LRRC28: variants seen among roughly 807,000 people sequenced by gnomAD.
LRRC28 encodes the protein leucine rich repeat containing 28, also known as leucine-rich repeat-containing protein 28.
Under a neutral mutation model 45.7 loss-of-function variants are expected in LRRC28, and 39 were observed. The ratio of observed to expected loss-of-function variants is 0.85; its 90% CI spans 0.66 to 1.12. The LOEUF is 1.12. Ranked by LOEUF, LRRC28 falls within the 50% of genes most tolerant of loss-of-function variation. LRRC28 has a pLI of 0.00. For synonymous variants in LRRC28, 206 were observed against 178.8 expected, an observed-to-expected ratio of 1.15 and a Z score of -1.22; for missense variants, 435 against 438.5, an observed-to-expected ratio of 0.99 and a Z score of 0.07.
At chr15:99,292,799 G>T (rs1429281487) in intron 5 of LRRC28, among the ~76,000 whole-genome samples, 1 of 152,178 alleles carries the variant, frequency 6.6e-6, no homozygotes, top group Non-Finnish European at 1.5e-5. Flanking sequence ...TTTCAGTCAG[G>T]GATGATAGCA....
chr15:99,341,165 A>G lies in LRRC28; in HGVS notation c.592+7036A>G, dbSNP rs185273482. Reference sequence around the variant, plus strand: ...GAGTGCAGTGGCGTGATCTGGGCTCACTACAACCTCCACCTCCCGGGTTCA... The same window carrying G: ...GAGTGCAGTGGCGTGATCTGGGCTCGCTACAACCTCCACCTCCCGGGTTCA... On this transcript the variant is annotated intron_variant, in intron 6 of 9. Coordinates refer to ENST00000301981, the MANE Select transcript of LRRC28 (RefSeq NM_144598.5). Among the ~76,000 whole-genome samples, 10 of 137,738 alleles carry G rather than the reference A, an allele frequency of 7.3e-5. No homozygotes were observed. The Admixed American group carries it at 7.8e-4, about 11-fold the overall frequency. 90.4% of individuals were successfully genotyped at this position (137,738 alleles called of 152,430 possible).
At chr15:99,336,906 C>T (rs1020469665) in intron 6 of LRRC28, among the ~76,000 whole-genome samples, 4 of 152,156 alleles carry the variant, frequency 2.6e-5, no homozygotes, top group African/African-American at 9.7e-5. Flanking sequence ...CAGCTGTGAA[C>T]CATTCATACA....
At chr15:99,306,732 G>C (rs1286397599) in intron 5 of LRRC28, among the ~76,000 whole-genome samples, 1 of 152,198 alleles carries the variant, frequency 6.6e-6, no homozygotes, top group Non-Finnish European at 1.5e-5. Flanking sequence ...TCTGGCACCA[G>C]CTTGGCTGAG....
chr15:99,350,142 CAAAAA>C (rs71149462), intron 6 of LRRC28, among the ~76,000 whole-genome samples: 1 of 97,892 alleles, frequency 1.0e-5, no homozygotes. Context: ...GACTCCGTCT[CAAAAA>C]AAAAAAAAAA....
chr15:99,374,082 G>A (rs1013754136), intron 9 of LRRC28, among the ~76,000 whole-genome samples: 25 of 152,000 alleles, frequency 1.6e-4, no homozygotes, highest in Non-Finnish European at 2.9e-4. Context: ...GCTATTCTAG[G>A]CCCTACACTT....
At chr15:99,341,083 CTTTTT>C (rs528372394) in intron 6 of LRRC28, among the ~76,000 whole-genome samples, 8 of 100,502 alleles carry the variant, frequency 8.0e-5, no homozygotes, top group South Asian at 3.6e-4. Flanking sequence ...ATTCTACTGT[CTTTTT>C]TTTTTTTTTT....
At chr15:99,359,304 AT>A (rs1957134056) in intron 7 of LRRC28, among the ~76,000 whole-genome samples, 1 of 152,242 alleles carries the variant, frequency 6.6e-6, no homozygotes, top group Non-Finnish European at 1.5e-5. Context: ...ATTTCAGTGC[AT>A]ATGACAAAGG....
chr15:99,327,301 C>G (rs888172156), intron 5 of LRRC28, among the ~76,000 whole-genome samples: 1 of 152,114 alleles, frequency 6.6e-6, no homozygotes, highest in African/African-American at 2.4e-5. Flanking sequence ...TCTCAATCAC[C>G]TGACCTCAAG....
chr15:99,333,919 G>A lies in LRRC28; in HGVS notation c.386-4G>A, dbSNP rs780502964. On this transcript the variant is annotated splice_polypyrimidine_tract_variant and splice_region_variant and intron_variant, in intron 5 of 9. Transcript: ENST00000301981. The stretch of plus-strand genomic sequence containing the variant: ...ATTTATCCTAATTTTGATTTTGGTT[G>A]TAGAGGTTGGCGATTTGAAGGAGCT... 3 of 1,613,734 alleles carry A rather than the reference G, an allele frequency of 1.9e-6. No individual in the cohort carries two copies. The highest frequency in any genetic ancestry group is 2.5e-6 in the Non-Finnish European group (3 of 1,179,840).
At chr15:99,267,264 C>T (rs150007573) in intron 2 of LRRC28, among the ~76,000 whole-genome samples, 228 of 152,164 alleles carry the variant, frequency 1.5e-3, no homozygotes, top group African/African-American at 5.3e-3. Context: ...CAACTATATC[C>T]GCCACCCCCT....
rs3217510 is a variant in LRRC28 at position 99,386,477 on chromosome 15, TCTCCC to T, written c.*381_*385del. The T allele has an allele frequency of 0.45, 74,665 of 166,604 alleles. 17,213 individuals carry two copies. The highest frequency in any genetic ancestry group is 0.54 in the African/African-American group (22,772 of 41,812). 10.3% of individuals were successfully genotyped at this position (166,604 alleles called of 1,614,324 possible). A position where few individuals can be genotyped will look rare whatever the true frequency, so the allele number is the denominator to read the frequency against. On this transcript the variant is annotated 3_prime_UTR_variant, in exon 10 of 10. Coordinates refer to ENST00000301981, the MANE Select transcript of LRRC28 (RefSeq NM_144598.5). Reference sequence around the variant, plus strand: ...ATACCTTCAGTGATGCTTCCTCTCCTCTCCCCTCCCTTGCTTTCCCCAGAGAGTTA... The same window carrying T: ...ATACCTTCAGTGATGCTTCCTCTCCTCTCCCTTGCTTTCCCCAGAGAGTTA...
chr15:99,305,256 G>A (rs143739875), intron 5 of LRRC28, among the ~76,000 whole-genome samples: 1 of 152,180 alleles, frequency 6.6e-6, no homozygotes, highest in Admixed American at 6.5e-5. Flanking sequence ...TTTCTGTCTT[G>A]CTAAATGGTA....
At chr15:99,316,760 A>G (rs1955610006) in intron 5 of LRRC28, among the ~76,000 whole-genome samples, 1 of 152,076 alleles carries the variant, frequency 6.6e-6, no homozygotes, top group Admixed American at 6.6e-5. Context: ...CAGGAGAACT[A>G]CAAGAATAAA....
At chr15:99,326,055 T>A (rs1955964782) in intron 5 of LRRC28, among the ~76,000 whole-genome samples, 1 of 152,104 alleles carries the variant, frequency 6.6e-6, no homozygotes, top group South Asian at 2.1e-4. Flanking sequence ...GCTAACAGAT[T>A]CAGTATGGAT....
At chr15:99,308,600 AT>A (rs1473386683) in intron 5 of LRRC28, among the ~76,000 whole-genome samples, 1 of 152,158 alleles carries the variant, frequency 6.6e-6, no homozygotes, top group Admixed American at 6.5e-5. Context: ...TGACTCTAGA[AT>A]ATTTGAGGTT....
At chr15:99,295,666 A>G (rs35703983) in intron 5 of LRRC28, among the ~76,000 whole-genome samples, 14,738 of 152,278 alleles carry the variant, frequency 0.097, 1,018 homozygotes, top group East Asian at 0.33. Context: ...CATCTGGCAT[A>G]TAAATCAGCC....
intron 6 of LRRC28, chr15:99,337,995 G>A (rs1295306510): frequency 1.3e-5 from 2 of 152,276 alleles, no homozygotes; most frequent in Non-Finnish European, 2.9e-5. Context: ...GGATCAGGGA[G>A]CAAATGCAAG....
chr15:99,346,583 ATTTTT>A (rs1297385395), intron 6 of LRRC28, among the ~76,000 whole-genome samples: 2 of 152,302 alleles, frequency 1.3e-5, no homozygotes, highest in East Asian at 3.9e-4. Context: ...CACTCCTGTG[ATTTTT>A]TTCTAGAACA....
At chr15:99,309,137 A>G (rs1308574265) in intron 5 of LRRC28, among the ~76,000 whole-genome samples, 1 of 152,156 alleles carries the variant, frequency 6.6e-6, no homozygotes, top group African/African-American at 2.4e-5. Flanking sequence ...GCCATGAGTA[A>G]ATATACTAAT....
Sources: allele counts gnomAD v4.1 joint callset (sites outside exome capture counted in the v4.1 genomes callset), GRCh38; gene constraint gnomAD v4.1.1; transcripts MANE v1.5; gene names NCBI Gene and HGNC (gene_info 2026-07-23, HGNC 2026-07-21).